Variants in ZSCAN25 observed in about 807,000 individuals in gnomAD.
ZSCAN25 encodes zinc finger and SCAN domain containing 25.
Under a neutral mutation model 38.7 loss-of-function variants are expected in ZSCAN25, and 27 were observed. The observed-to-expected ratio is 0.70, with a 90% CI of 0.51 to 0.96. ZSCAN25 has a LOEUF of 0.96. ZSCAN25 is among the 40% of genes least tolerant of loss of function. The pLI, the probability that ZSCAN25 is intolerant of heterozygous loss-of-function variation, is 0.00. For synonymous variants in ZSCAN25, 273 were observed against 277.7 expected (o/e 0.98, Z 0.17); for missense variants, 637 against 705.9 (o/e 0.90, Z 1.11).
intron 5 of ZSCAN25, 21 bp downstream of exon 5, chr7:99,621,595 G>GTCATA: frequency 7.3e-7 from 1 of 1,367,018 alleles, no homozygotes. Context: ...CGCAGATAGT[G>GTCATA]GGGATGTCAG....
chr7:99,708,386 A>G, the ZSCAN25 span, among the ~76,000 whole-genome samples: 1 of 152,154 alleles, frequency 6.6e-6, no homozygotes, highest in African/African-American at 2.4e-5. Context: ...CTACTTCAAA[A>G]TTGTTATTTT....
the ZSCAN25 span, chr7:99,677,351 A>G: frequency 1.7e-6 from 1 of 603,584 alleles, no homozygotes; most frequent in Non-Finnish European, 2.1e-6. Context: ...ATGTGGCTGA[A>G]AAAGATGATG....
the ZSCAN25 span, among the ~76,000 whole-genome samples, chr7:99,650,963 T>C: frequency 6.6e-6 from 1 of 152,242 alleles, no homozygotes; most frequent in Non-Finnish European, 1.5e-5. Flanking sequence ...GATTTCTAAA[T>C]ATTTGATTAT....
the ZSCAN25 span, among the ~76,000 whole-genome samples, chr7:99,664,308 T>C: frequency 1.3e-5 from 2 of 152,230 alleles, no homozygotes; most frequent in Non-Finnish European, 2.9e-5. Flanking sequence ...GTGAGATCAA[T>C]GGCACCTTCT....
the ZSCAN25 span, among the ~76,000 whole-genome samples, chr7:99,682,635 AG>A: frequency 1.3e-5 from 2 of 151,100 alleles, no homozygotes; most frequent in Non-Finnish European, 3.0e-5. Context: ...TACAAATTTT[AG>A]GGTTTTTTTT....
At chr7:99,619,437 C>T in intron 3 of ZSCAN25, 124 bp from the exon 4 acceptor site, 2 of 748,750 alleles carry the variant, frequency 2.7e-6, no homozygotes, top group Non-Finnish European at 4.2e-6. Flanking sequence ...CTTTTGGGAT[C>T]TGTGTTCAGT....
At chr7:99,663,341 A>C in the ZSCAN25 span, 8 of 995,354 alleles carry the variant, frequency 8.0e-6, no homozygotes, top group South Asian at 3.1e-4. Context: ...CAACATTCTC[A>C]AACTCTATAT....
chr7:99,671,819 A>T, the ZSCAN25 span: 1 of 702,974 alleles, frequency 1.4e-6, no homozygotes, highest in Non-Finnish European at 2.6e-6. Context: ...GGACAGCAGG[A>T]GGGAGCCACA....
chr7:99,700,346 G>A, the ZSCAN25 span, among the ~76,000 whole-genome samples: 1 of 152,136 alleles, frequency 6.6e-6, no homozygotes, highest in East Asian at 1.9e-4. Context: ...TTGGCATGAA[G>A]CCTCTTAAAT....
the ZSCAN25 span, among the ~76,000 whole-genome samples, chr7:99,655,541 A>C: frequency 1.1e-4 from 17 of 152,236 alleles, no homozygotes; most frequent in Non-Finnish European, 2.4e-4. Context: ...CTTTTGGCTT[A>C]GGATTGACTT....
At chr7:99,650,001 C>A in the ZSCAN25 span, 1 of 1,530,930 alleles carries the variant, frequency 6.5e-7, no homozygotes, top group Non-Finnish European at 9.0e-7. Context: ...GATAAACATG[C>A]ATATTCTTTT....
At chr7:99,670,546 C>G in the ZSCAN25 span, among the ~76,000 whole-genome samples, 1 of 152,102 alleles carries the variant, frequency 6.6e-6, no homozygotes, top group East Asian at 1.9e-4. Context: ...CATTTTCAGT[C>G]GACATATATA....
At chr7:99,679,747 A>C in the ZSCAN25 span, 3 of 1,399,792 alleles carry the variant, frequency 2.1e-6, no homozygotes, top group Non-Finnish European at 3.0e-6. Context: ...TTTGATCTTC[A>C]AAACAGATAA....
At chr7:99,677,311 C>A in the ZSCAN25 span, 1 of 934,446 alleles carries the variant, frequency 1.1e-6, no homozygotes, top group Non-Finnish European at 1.3e-6. Context: ...TAGCCCCACA[C>A]AGTTGGCTCC....
chr7:99,661,166 C>A, the ZSCAN25 span, among the ~76,000 whole-genome samples: 1 of 152,136 alleles, frequency 6.6e-6, no homozygotes, highest in East Asian at 1.9e-4. Context: ...ACTTAAAGGA[C>A]CAATACTGAG....
the ZSCAN25 span, among the ~76,000 whole-genome samples, chr7:99,682,069 A>C: frequency 6.6e-6 from 1 of 152,076 alleles, no homozygotes; most frequent in Non-Finnish European, 1.5e-5. Context: ...CCTGGGTCCA[A>C]GTGATTCTGC....
chr7:99,620,314 G>C (rs1806841132), intron 4 of ZSCAN25: 1 of 276,518 alleles, frequency 3.6e-6, no homozygotes, highest in Admixed American at 4.8e-5. Flanking sequence ...ACCTGACCCT[G>C]CTTTGGACAG....
the ZSCAN25 span, among the ~76,000 whole-genome samples, chr7:99,678,187 T>C: frequency 6.6e-6 from 1 of 152,236 alleles, no homozygotes; most frequent in Non-Finnish European, 1.5e-5. Flanking sequence ...GCCCACAACA[T>C]GGCAGACCAC....
At chr7:99,711,930 G>C in the ZSCAN25 span, among the ~76,000 whole-genome samples, 1 of 152,206 alleles carries the variant, frequency 6.6e-6, no homozygotes, top group South Asian at 2.1e-4. Context: ...GAGGCACCAG[G>C]TAATAGACCC....
Sources: gnomAD v4.1 joint callset for allele counts (sites outside exome capture counted in the v4.1 genomes callset) on GRCh38, gnomAD v4.1.1 for gene constraint, MANE v1.5 for transcripts, NCBI Gene and HGNC (gene_info 2026-07-23, HGNC 2026-07-21) for gene names.